The following NCKAP5 variants were observed in gnomAD, a reference collection of about 807,000 sequenced individuals.
NCKAP5 encodes nck-associated protein 5.
A neutral mutation model predicts 167.0 loss-of-function variants in NCKAP5; 92 were observed. The ratio of observed to expected loss-of-function variants is 0.55; its 90% CI spans 0.47 to 0.66. The LOEUF is 0.66. NCKAP5 is among the 30% of genes least tolerant of loss of function. The pLI, the probability that NCKAP5 is intolerant of heterozygous loss-of-function variation, is 0.00. For synonymous variants in NCKAP5, 891 were observed against 877.4 expected, an observed-to-expected ratio of 1.02 and a Z score of -0.27; for missense variants, 2,378 against 2,315.0, an observed-to-expected ratio of 1.03 and a Z score of -0.56.
intron 2 of NCKAP5, among the ~76,000 whole-genome samples, chr2:133,524,265 T>G (rs1329954330): frequency 1.3e-5 from 2 of 152,218 alleles, no homozygotes; most frequent in African/African-American, 4.8e-5. Flanking sequence ...TGATTGTTGG[T>G]AGCAGCAACT....
chr2:133,197,549 A>T (rs1301881753), intron 5 of NCKAP5, among the ~76,000 whole-genome samples: 1 of 152,192 alleles, frequency 6.6e-6, no homozygotes, highest in Non-Finnish European at 1.5e-5. Flanking sequence ...ATCTCAACTC[A>T]TGAGAAGAAA....
chr2:133,604,251 G>A, the NCKAP5 span, among the ~76,000 whole-genome samples: 4 of 152,072 alleles, frequency 2.6e-5, no homozygotes, highest in Non-Finnish European at 5.9e-5. Context: ...TGTCGCCCAG[G>A]CTGGTGTACA....
At chr2:133,285,369 T>C (rs1045683544) in intron 4 of NCKAP5, among the ~76,000 whole-genome samples, 2 of 152,250 alleles carry the variant, frequency 1.3e-5, no homozygotes, top group Admixed American at 6.5e-5. Flanking sequence ...GATTTTCAAA[T>C]GCTAACTTTA....
At chr2:133,314,109 G>A (rs1465002126) in intron 3 of NCKAP5, among the ~76,000 whole-genome samples, 1 of 152,146 alleles carries the variant, frequency 6.6e-6, no homozygotes, top group African/African-American at 2.4e-5. Context: ...GGCCAGGTAT[G>A]TTCTAATTTT....
intron 5 of NCKAP5, among the ~76,000 whole-genome samples, chr2:133,207,567 G>A (rs761109119): frequency 1.3e-5 from 2 of 151,984 alleles, no homozygotes; most frequent in African/African-American, 2.4e-5. Flanking sequence ...ATTCTAAGAC[G>A]GGGGTAAGAA....
chr2:133,506,266 A>G (rs1249174686), intron 3 of NCKAP5, among the ~76,000 whole-genome samples: 2 of 152,246 alleles, frequency 1.3e-5, no homozygotes, highest in African/African-American at 4.8e-5. Flanking sequence ...AGACTGGAAA[A>G]CAACACACAA....
At chr2:133,353,454 C>T (rs1262187902) in intron 3 of NCKAP5, among the ~76,000 whole-genome samples, 1 of 152,156 alleles carries the variant, frequency 6.6e-6, no homozygotes, top group African/African-American at 2.4e-5. Flanking sequence ...GTCACATCAA[C>T]CTGACTTCTC....
At chr2:132,926,693 C>T (rs112758295) in intron 8 of NCKAP5, among the ~76,000 whole-genome samples, 562 of 152,092 alleles carry the variant, frequency 3.7e-3, no homozygotes, top group Middle Eastern at 0.01. Flanking sequence ...AATATCTATT[C>T]CTGTCCTTTG....
chr2:133,613,950 AG>A, the NCKAP5 span, among the ~76,000 whole-genome samples: 1 of 152,202 alleles, frequency 6.6e-6, no homozygotes, highest in African/African-American at 2.4e-5. Flanking sequence ...GAGCATTCAA[AG>A]AATCTTCTGG....
At chr2:133,439,611 GA>G (rs1448932689) in intron 3 of NCKAP5, among the ~76,000 whole-genome samples, 4 of 152,120 alleles carry the variant, frequency 2.6e-5, no homozygotes, top group African/African-American at 9.7e-5. Context: ...ATGTACATAT[GA>G]ATATACATAC....
At chr2:132,842,510 C>G (rs1167300532) in intron 11 of NCKAP5, among the ~76,000 whole-genome samples, 2 of 151,798 alleles carry the variant, frequency 1.3e-5, no homozygotes, top group Non-Finnish European at 2.9e-5. Context: ...TTTTCTAATA[C>G]TAAAGATATT....
At position 133,405,452 on chromosome 2, in the gene NCKAP5, A is replaced by G. The variant is rs147252674; in HGVS notation, c.70-102342T>C. Among the ~76,000 whole-genome samples the G allele has an allele frequency of 1.2e-4, 18 of 152,308 alleles. No homozygotes were observed. In the East Asian group the frequency reaches 3.5e-3, roughly 29 times the overall value. Reference sequence around the variant, plus strand: ...AACCAAAAGCACAAAAATGTGAAAAATGCAGTACTAAGCAGACCTCAAAAA... The same window carrying G: ...AACCAAAAGCACAAAAATGTGAAAAGTGCAGTACTAAGCAGACCTCAAAAA... On this transcript the variant is annotated intron_variant, in intron 3 of 19. Transcript: ENST00000409261.
chr2:133,592,884 CA>C, the NCKAP5 span, among the ~76,000 whole-genome samples: 1 of 152,180 alleles, frequency 6.6e-6, no homozygotes, highest in African/African-American at 2.4e-5. Context: ...CCAGCTTCAT[CA>C]GGGGCTAGAT....
At chr2:133,341,561 A>T (rs1189775366) in intron 3 of NCKAP5, among the ~76,000 whole-genome samples, 1 of 152,238 alleles carries the variant, frequency 6.6e-6, no homozygotes, top group Non-Finnish European at 1.5e-5. Context: ...AGTGAGTACC[A>T]AAATATGTTC....
rs756825080 is a variant in NCKAP5 at position 132,731,855 on chromosome 2, G to A, written c.5325C>T (p.Ser1775=). The A allele has an allele frequency of 2.5e-6, 4 of 1,613,962 alleles. No individual in the cohort carries two copies. In the East Asian group the frequency reaches 6.7e-5, roughly 27 times the overall value. ...CTGCAGGGCGCTGGCCGTCTGTGGA[G>A]GAAGGCACTTCACGTTCAAGGGTTT... is the stretch of plus-strand genomic sequence containing the variant. ...RAQTLEREVP[S]STDGQRPADS... The change falls in exon 17 of 20, where the codon TCC becomes TCT. Residue 1775 remains serine, a synonymous_variant. Coordinates refer to ENST00000409261, the MANE Select transcript of NCKAP5 (RefSeq NM_207363.3).
intron 3 of NCKAP5, among the ~76,000 whole-genome samples, chr2:133,372,072 T>C (rs1446700543): frequency 2.0e-5 from 3 of 152,174 alleles, no homozygotes; most frequent in African/African-American, 7.2e-5. Context: ...GATGCAGAAC[T>C]ATCATTAGAA....
intron 3 of NCKAP5, among the ~76,000 whole-genome samples, chr2:133,425,441 A>T (rs1689733275): frequency 6.6e-6 from 1 of 152,224 alleles, no homozygotes; most frequent in Non-Finnish European, 1.5e-5. Context: ...GGATTATATC[A>T]GAAAATGAGG....
At chr2:132,840,276 A>ATT (rs199908793) in intron 11 of NCKAP5, among the ~76,000 whole-genome samples, 2,049 of 135,196 alleles carry the variant, frequency 0.015, 46 homozygotes, top group African/African-American at 0.05. Context: ...ATTGCACAGC[A>ATT]TTTTTTTTTT....
intron 6 of NCKAP5, among the ~76,000 whole-genome samples, chr2:132,995,011 A>G (rs1031872087): frequency 6.6e-6 from 1 of 152,174 alleles, no homozygotes; most frequent in Admixed American, 6.5e-5. Flanking sequence ...AAAATGGTGC[A>G]CCTGTATAGG....
Sources: allele counts gnomAD v4.1 joint callset (sites outside exome capture counted in the v4.1 genomes callset), GRCh38; gene constraint gnomAD v4.1.1; transcripts MANE v1.5; gene names NCBI Gene and HGNC (gene_info 2026-07-23, HGNC 2026-07-21).